Variants in PDS5B observed in about 807,000 individuals in gnomAD.
The protein encoded by PDS5B is sister chromatid cohesion protein PDS5 homolog B.
Under a neutral mutation model 184.1 loss-of-function variants are expected in PDS5B, and 51 were observed. The observed-to-expected ratio is 0.28, with a 90% CI of 0.22 to 0.35. PDS5B has a LOEUF of 0.35. PDS5B is among the 10% of genes least tolerant of loss of function. PDS5B has a pLI of 1.00. For synonymous variants in PDS5B, 566 were observed against 569.2 expected, an observed-to-expected ratio of 0.99 and a Z score of 0.08; for missense variants, 1,180 against 1,723.3, an observed-to-expected ratio of 0.68 and a Z score of 5.58.
rs374924837 is a variant in PDS5B, at chr13:32,770,373, C to A, written c.3877C>A (p.Pro1293Thr). 3.5e-5 allele frequency: 57 copies of A among 1,612,946 alleles called. No individual in the cohort carries two copies. The highest frequency in any genetic ancestry group is 4.6e-5 in the Non-Finnish European group (54 of 1,179,846). ...SPPKKGKRGR[P>T]PKPLGGGTPK... ...GCCAAAAAAGGGTAAAAGAGGCCGA[C>A]CACCAAAACCTCTTGGTGGAGGTAC... Residue 1293 changes from proline to threonine, a missense_variant, in exon 32 of 35, where the codon CCA becomes ACA. Coordinates refer to ENST00000315596, the MANE Select transcript of PDS5B (RefSeq NM_015032.4).
chr13:32,711,227 T>C (rs953892640), intron 19 of PDS5B, among the ~76,000 whole-genome samples: 6 of 152,014 alleles, frequency 3.9e-5, no homozygotes, highest in Non-Finnish European at 7.4e-5. Context: ...TCAGGTGATA[T>C]CACCTGCCCG....
At chr13:32,597,953 G>A (rs1199833781) in intron 1 of PDS5B, among the ~76,000 whole-genome samples, 2 of 151,832 alleles carry the variant, frequency 1.3e-5, no homozygotes, top group Non-Finnish European at 2.9e-5. Flanking sequence ...TGATCTTAAG[G>A]GGGAAGGCAT....
At chr13:32,662,540 T>C (rs985746283) in intron 6 of PDS5B, among the ~76,000 whole-genome samples, 4 of 152,120 alleles carry the variant, frequency 2.6e-5, no homozygotes, top group East Asian at 1.9e-4. Context: ...TATAAAAATA[T>C]TGAGGATTTG....
At chr13:32,588,291 C>T (rs1411746758) in intron 1 of PDS5B, among the ~76,000 whole-genome samples, 1 of 152,126 alleles carries the variant, frequency 6.6e-6, no homozygotes, top group Non-Finnish European at 1.5e-5. Context: ...TACATGGGAA[C>T]TTTTATGTGA....
chr13:32,721,308 G>T (rs1262938884), intron 19 of PDS5B, among the ~76,000 whole-genome samples: 1 of 151,076 alleles, frequency 6.6e-6, no homozygotes, highest in Non-Finnish European at 1.5e-5. Context: ...CCGGGCGGGG[G>T]AACCCCCCAC....
At chr13:32,714,624 A>G (rs1952314862) in intron 19 of PDS5B, among the ~76,000 whole-genome samples, 1 of 152,188 alleles carries the variant, frequency 6.6e-6, no homozygotes, top group South Asian at 2.1e-4. Flanking sequence ...CCATGCTGAG[A>G]AAAAGAATTC....
At chr13:32,640,617 A>G (rs1175130143) in intron 1 of PDS5B, among the ~76,000 whole-genome samples, 2 of 152,208 alleles carry the variant, frequency 1.3e-5, no homozygotes, top group Non-Finnish European at 2.9e-5. Flanking sequence ...TAATATGCAT[A>G]TGATAATTTT....
At chr13:32,740,781 T>G (rs1423433950) in intron 21 of PDS5B, among the ~76,000 whole-genome samples, 1 of 152,030 alleles carries the variant, frequency 6.6e-6, no homozygotes, top group African/African-American at 2.4e-5. Context: ...TAATTGAATC[T>G]CAAAAGGGGC....
At chr13:32,610,993 C>CTT (rs368980002) in intron 1 of PDS5B, among the ~76,000 whole-genome samples, 7 of 144,824 alleles carry the variant, frequency 4.8e-5, no homozygotes, top group African/African-American at 1.5e-4. Context: ...TTAGAGCCAT[C>CTT]TTTTTTTTTT....
At chr13:32,680,350 C>G (rs535809806) in intron 10 of PDS5B, among the ~76,000 whole-genome samples, 20 of 152,266 alleles carry the variant, frequency 1.3e-4, no homozygotes, top group African/African-American at 4.6e-4. Context: ...CTCTGAACTT[C>G]ACTTTTGGGT....
rs149503077 is a variant in PDS5B at position 32,605,196 on chromosome 13, T to C, written c.-20+18603T>C. Among the ~76,000 whole-genome samples the C allele has an allele frequency of 2.1e-3, 319 of 152,318 alleles. 1 individual carries two copies. The highest frequency in any genetic ancestry group is 0.014 in the Middle Eastern group (4 of 294). ...TTTTACATCTTTCCTGCTTTCTCTTTTATAGCATTTAGTGCTATAAATTTC... is the reference window on the plus strand; with the variant it reads ...TTTTACATCTTTCCTGCTTTCTCTTCTATAGCATTTAGTGCTATAAATTTC... On this transcript the variant is annotated intron_variant, in intron 1 of 34. Transcript: ENST00000315596.
intron 22 of PDS5B, among the ~76,000 whole-genome samples, chr13:32,741,699 CTGTGTGTGTGTGTGTGTGTG>C (rs3050179): frequency 1.7e-4 from 24 of 139,274 alleles, no homozygotes; most frequent in African/African-American, 5.3e-4. Context: ...CCCTTTCAGT[CTGTGTGTGTGTGTGTGTGTG>C]TGTGTGTGTG....
intron 1 of PDS5B, among the ~76,000 whole-genome samples, chr13:32,617,693 G>T (rs1247292126): frequency 6.6e-6 from 1 of 152,124 alleles, no homozygotes; most frequent in Non-Finnish European, 1.5e-5. Context: ...AATTCAGTGG[G>T]TGTAAAATCC....
Position 32,705,367 on chromosome 13 carries a change from G to T in PDS5B, c.1857-1567G>T, listed in dbSNP as rs189102083. On this transcript the variant is annotated intron_variant, in intron 17 of 34. Coordinates refer to ENST00000315596, the MANE Select transcript of PDS5B (RefSeq NM_015032.4). ...GTATTTGGAATAGTTGGAGATAAGA[G>T]AATAAGCTGATTAGGGAAAATGAGC... 5.3e-4 allele frequency among the ~76,000 whole-genome samples: 81 copies of T among 152,206 alleles called. 2 individuals are homozygous for T. Among genetic ancestry groups the T allele is most frequent in the East Asian group, 4.8e-3 (25 of 5,180 alleles).
At chr13:32,761,880 A>G (rs1001677478) in intron 30 of PDS5B, among the ~76,000 whole-genome samples, 5 of 152,222 alleles carry the variant, frequency 3.3e-5, no homozygotes, top group African/African-American at 9.6e-5. Flanking sequence ...AGAAATCTCC[A>G]AACTGTTTTC....
At chr13:32,716,220 G>A (rs1952401771) in intron 19 of PDS5B, among the ~76,000 whole-genome samples, 1 of 151,152 alleles carries the variant, frequency 6.6e-6, no homozygotes, top group South Asian at 2.1e-4. Flanking sequence ...AGTGAGGAGC[G>A]CCTCTTCCCG....
intron 3 of PDS5B, 99 bp downstream of exon 3, chr13:32,652,106 C>G (rs559299862): frequency 2.8e-6 from 2 of 727,184 alleles, no homozygotes; most frequent in Admixed American, 2.1e-5. Context: ...TCCTTGGATT[C>G]TTTGACATTA....
At chr13:32,746,728 T>G (rs1953756341) in intron 24 of PDS5B, among the ~76,000 whole-genome samples, 1 of 152,212 alleles carries the variant, frequency 6.6e-6, no homozygotes, top group Non-Finnish European at 1.5e-5. Flanking sequence ...AAAAGGACAC[T>G]GTTTACGTAT....
At chr13:32,747,161 C>G (rs1182605806) in intron 24 of PDS5B, among the ~76,000 whole-genome samples, 7 of 152,114 alleles carry the variant, frequency 4.6e-5, no homozygotes, top group Non-Finnish European at 7.4e-5. Flanking sequence ...CTTTAGAAGT[C>G]TTTAGCATCA....
Sources: gnomAD v4.1 joint callset for allele counts (sites outside exome capture counted in the v4.1 genomes callset) on GRCh38, gnomAD v4.1.1 for gene constraint, MANE v1.5 for transcripts, NCBI Gene and HGNC (gene_info 2026-07-23, HGNC 2026-07-21) for gene names.